The following CDH12 variants were observed in gnomAD, a reference collection of about 807,000 sequenced individuals.
CDH12 encodes the protein cadherin-12.
In CDH12, 41 loss-of-function variants were observed where a neutral mutation model predicts 74.1. The ratio of observed to expected loss-of-function variants is 0.55; its 90% CI spans 0.43 to 0.72. The LOEUF (loss-of-function observed/expected upper bound fraction) is 0.72. Among genes scored for constraint, CDH12 ranks in the 30% least tolerant of loss-of-function variants. CDH12 has a pLI of 0.00. For synonymous variants in CDH12, 399 were observed against 355.0 expected (o/e 1.12, Z -1.39); for missense variants, 945 against 977.2 (o/e 0.97, Z 0.44).
At chr5:22,122,341 T>C (rs953726836) in intron 4 of CDH12, among the ~76,000 whole-genome samples, 4 of 152,288 alleles carry the variant, frequency 2.6e-5, no homozygotes, top group Admixed American at 2.6e-4. Flanking sequence ...AGGCAGAGGT[T>C]GCAGTGAGCT....
chr5:22,799,171 G>A (rs1469243960), intron 1 of CDH12, among the ~76,000 whole-genome samples: 1 of 152,008 alleles, frequency 6.6e-6, no homozygotes, highest in Non-Finnish European at 1.5e-5. Context: ...GTCTCCATAT[G>A]TGGAATAATT....
intron 1 of CDH12, among the ~76,000 whole-genome samples, chr5:22,564,043 T>C (rs1739181722): frequency 1.3e-5 from 2 of 151,736 alleles, no homozygotes; most frequent in African/African-American, 2.4e-5. Context: ...GAAAGATGAA[T>C]CTATAGCCTT....
chr5:22,398,711 T>C (rs1419134829), intron 3 of CDH12, among the ~76,000 whole-genome samples: 1 of 152,196 alleles, frequency 6.6e-6, no homozygotes, highest in Non-Finnish European at 1.5e-5. Flanking sequence ...TCAAAAGATA[T>C]GAGAGCCTTT....
At chr5:22,206,241 G>A (rs1751208612) in intron 4 of CDH12, among the ~76,000 whole-genome samples, 1 of 152,066 alleles carries the variant, frequency 6.6e-6, no homozygotes, top group African/African-American at 2.4e-5. Context: ...AACCTCTCTG[G>A]CAGGTTGTCA....
intron 3 of CDH12, among the ~76,000 whole-genome samples, chr5:22,257,340 A>C (rs1221071707): frequency 6.6e-6 from 1 of 152,116 alleles, no homozygotes; most frequent in Non-Finnish European, 1.5e-5. Context: ...TTAAAATATA[A>C]GTTAAAAATT....
chr5:22,240,573 G>C (rs369677307), intron 3 of CDH12, among the ~76,000 whole-genome samples: 1 of 152,108 alleles, frequency 6.6e-6, no homozygotes, highest in East Asian at 1.9e-4. Context: ...TCGTTCCTTC[G>C]CCTAGGCTGG....
intron 6 of CDH12, among the ~76,000 whole-genome samples, chr5:21,951,350 G>A (rs1202213979): frequency 6.6e-6 from 1 of 152,124 alleles, no homozygotes; most frequent in Non-Finnish European, 1.5e-5. Context: ...ACCCTCCCAA[G>A]TAACTGGGAT....
At chr5:21,799,169 G>T (rs1376177551) in intron 10 of CDH12, among the ~76,000 whole-genome samples, 2 of 152,118 alleles carry the variant, frequency 1.3e-5, no homozygotes, top group African/African-American at 2.4e-5. Flanking sequence ...CTAGAGGAAA[G>T]GTCAGTAAGT....
chr5:21,774,045 G>A (rs576492767), intron 11 of CDH12, among the ~76,000 whole-genome samples: 7 of 152,232 alleles, frequency 4.6e-5, no homozygotes, highest in Non-Finnish European at 7.4e-5. Context: ...GTAGACTTGT[G>A]ATGGTTAATA....
chr5:22,167,665 A>C (rs577644517), intron 4 of CDH12, among the ~76,000 whole-genome samples: 35 of 152,286 alleles, frequency 2.3e-4, no homozygotes, highest in Non-Finnish European at 4.0e-4. Flanking sequence ...TACAGATACT[A>C]TAAATTTATA....
intron 5 of CDH12, among the ~76,000 whole-genome samples, chr5:22,012,558 G>A (rs886526715): frequency 6.6e-6 from 1 of 152,130 alleles, no homozygotes; most frequent in African/African-American, 2.4e-5. Context: ...TTACAGAACT[G>A]CTAAAATGTC....
At chr5:22,819,929 ATGTG>A (rs539023960) in intron 1 of CDH12, among the ~76,000 whole-genome samples, 20 of 147,786 alleles carry the variant, frequency 1.4e-4, no homozygotes, top group African/African-American at 4.2e-4. Context: ...ATTTATATAG[ATGTG>A]TGTGTATGTA....
chr5:22,754,298 C>CA (rs1274977353), intron 1 of CDH12, among the ~76,000 whole-genome samples: 7 of 151,918 alleles, frequency 4.6e-5, no homozygotes, highest in Non-Finnish European at 8.8e-5. Context: ...AAAACGAAAA[C>CA]AAAAAATTAT....
intron 6 of CDH12, among the ~76,000 whole-genome samples, chr5:21,857,108 C>G (rs2150003562): frequency 6.6e-6 from 1 of 151,890 alleles, no homozygotes; most frequent in East Asian, 1.9e-4. Flanking sequence ...CTGGAGCATG[C>G]AAATCTCCGA....
chr5:22,368,377 C>T (rs998933088), intron 3 of CDH12, among the ~76,000 whole-genome samples: 5 of 152,026 alleles, frequency 3.3e-5, no homozygotes, highest in South Asian at 2.1e-4. Context: ...AAGCTCACTG[C>T]AGCCTCAACC....
chr5:22,154,633 C>T (rs573256671), intron 4 of CDH12, among the ~76,000 whole-genome samples: 14 of 145,166 alleles, frequency 9.6e-5, no homozygotes, highest in South Asian at 8.9e-4. Context: ...TATATACACA[C>T]GTATACATGT....
At chr5:22,515,376 G>A (rs1736766002) in intron 1 of CDH12, among the ~76,000 whole-genome samples, 1 of 152,048 alleles carries the variant, frequency 6.6e-6, no homozygotes. Flanking sequence ...ATAAGTACAA[G>A]GGAGATGGTA....
intron 3 of CDH12, among the ~76,000 whole-genome samples, chr5:22,292,263 G>C (rs960639165): frequency 1.3e-5 from 2 of 151,528 alleles, no homozygotes; most frequent in African/African-American, 2.4e-5. Flanking sequence ...GAAAATATAG[G>C]GGGTAACCTC....
intron 7 of CDH12, among the ~76,000 whole-genome samples, chr5:21,853,874 T>C (rs1424892494): frequency 6.6e-6 from 1 of 151,674 alleles, no homozygotes; most frequent in Non-Finnish European, 1.5e-5. Context: ...CAATATGTTC[T>C]AATGTAGTGT....
Sources: gnomAD v4.1 joint callset for allele counts (sites outside exome capture counted in the v4.1 genomes callset) on GRCh38, gnomAD v4.1.1 for gene constraint, MANE v1.5 for transcripts, NCBI Gene and HGNC (gene_info 2026-07-23, HGNC 2026-07-21) for gene names.